The following KCNAB1 variants were observed in gnomAD, a reference collection of about 807,000 sequenced individuals.
The protein encoded by KCNAB1 is voltage-gated potassium channel subunit beta-1.
Under a neutral mutation model 64.6 loss-of-function variants are expected in KCNAB1, and 35 were observed. The ratio of observed to expected loss-of-function variants is 0.54; its 90% CI spans 0.41 to 0.72. The LOEUF is 0.72. Ranked by LOEUF, KCNAB1 falls within the 30% of genes least tolerant of loss-of-function variation. The pLI, the probability that KCNAB1 is intolerant of heterozygous loss-of-function variation, is 0.00. For synonymous variants in KCNAB1, 177 were observed against 183.8 expected (o/e 0.96, Z 0.30); for missense variants, 401 against 512.9 (o/e 0.78, Z 2.11).
intron 1 of KCNAB1, among the ~76,000 whole-genome samples, chr3:156,161,941 C>A (rs1716105016): frequency 6.6e-6 from 1 of 152,086 alleles, no homozygotes; most frequent in Admixed American, 6.5e-5. Flanking sequence ...AATTTTTATC[C>A]ATAATAGCAT....
intron 1 of KCNAB1, among the ~76,000 whole-genome samples, chr3:156,248,703 C>T (rs770561149): frequency 1.3e-5 from 2 of 152,266 alleles, no homozygotes; most frequent in South Asian, 4.2e-4. Flanking sequence ...GTTGACTTTA[C>T]GGTTTTAGAA....
chr3:156,448,930 G>A (rs185695455), intron 2 of KCNAB1, among the ~76,000 whole-genome samples: 301 of 152,160 alleles, frequency 2.0e-3, no homozygotes, highest in Middle Eastern at 3.4e-3. Context: ...ATGCAAAGAC[G>A]AATGAAATAA....
intron 1 of KCNAB1, among the ~76,000 whole-genome samples, chr3:156,379,363 T>C (rs1324406866): frequency 6.6e-6 from 1 of 152,132 alleles, no homozygotes; most frequent in Non-Finnish European, 1.5e-5. Context: ...TCATGTACTA[T>C]GTTAGGTGGT....
intron 1 of KCNAB1, among the ~76,000 whole-genome samples, chr3:156,382,571 G>T (rs1443425968): frequency 2.0e-5 from 3 of 152,122 alleles, no homozygotes; most frequent in East Asian, 1.9e-4. Context: ...TTGTGATACT[G>T]GTTGGTGCCA....
At chr3:156,482,098 T>G (rs775818802) in intron 8 of KCNAB1, among the ~76,000 whole-genome samples, 5 of 152,048 alleles carry the variant, frequency 3.3e-5, no homozygotes, top group Non-Finnish European at 7.4e-5. Context: ...AGCCATGGAG[T>G]TGGCAGTGTA....
At chr3:156,132,674 T>C (rs1714073372) in intron 1 of KCNAB1, among the ~76,000 whole-genome samples, 2 of 152,222 alleles carry the variant, frequency 1.3e-5, no homozygotes, top group Admixed American at 1.3e-4. Flanking sequence ...ATTCAGTCTG[T>C]TATTTCAGAA....
At chr3:156,191,469 G>A (rs1383071298) in intron 1 of KCNAB1, among the ~76,000 whole-genome samples, 1 of 152,140 alleles carries the variant, frequency 6.6e-6, no homozygotes, top group Non-Finnish European at 1.5e-5. Context: ...TTCATCTTTT[G>A]TTCTTCAAAC....
At chr3:156,519,679 T>C (rs368787938) in intron 11 of KCNAB1, among the ~76,000 whole-genome samples, 7 of 152,358 alleles carry the variant, frequency 4.6e-5, no homozygotes, top group African/African-American at 1.7e-4. Context: ...ACTGCATCCA[T>C]GGACTTGTAC....
intron 1 of KCNAB1, among the ~76,000 whole-genome samples, chr3:156,198,307 C>T (rs1281477047): frequency 6.6e-6 from 1 of 152,088 alleles, no homozygotes; most frequent in Non-Finnish European, 1.5e-5. Flanking sequence ...ATTAGGTCTG[C>T]TTGGTTCAGA....
At chr3:156,414,045 A>G (rs1221126021) in intron 1 of KCNAB1, among the ~76,000 whole-genome samples, 1 of 152,222 alleles carries the variant, frequency 6.6e-6, no homozygotes, top group Non-Finnish European at 1.5e-5. Context: ...TGTATGTTTA[A>G]ATATCACCCT....
At chr3:156,538,986 C>CGAATCTGT (rs571917572), downstream of KCNAB1, 196 of 151,974 alleles carry the variant, frequency 1.3e-3, no homozygotes, top group African/African-American at 4.6e-3. Flanking sequence ...TTTTTATATG[C>CGAATCTGT]GAATCTGTCA....
intron 1 of KCNAB1, among the ~76,000 whole-genome samples, chr3:156,174,902 A>C (rs143651148): frequency 6.6e-6 from 1 of 152,162 alleles, no homozygotes; most frequent in East Asian, 1.9e-4. Context: ...ACTTTACCAG[A>C]TGCTAGTTGT....
chr3:156,341,654 T>G (rs1394878299), intron 1 of KCNAB1, among the ~76,000 whole-genome samples: 1 of 152,174 alleles, frequency 6.6e-6, no homozygotes. Flanking sequence ...AAATTTTTAT[T>G]CTGCTACATA....
intron 1 of KCNAB1, among the ~76,000 whole-genome samples, chr3:156,366,051 G>A (rs958118119): frequency 1.3e-5 from 2 of 151,944 alleles, no homozygotes; most frequent in Admixed American, 1.3e-4. Context: ...ATGAAAGAAA[G>A]TAGAAGTTTT....
chr3:156,220,240 G>A (rs1715625102), intron 1 of KCNAB1, among the ~76,000 whole-genome samples: 1 of 152,116 alleles, frequency 6.6e-6, no homozygotes, highest in South Asian at 2.1e-4. Context: ...CACAGTAATG[G>A]GATCACTGGG....
intron 2 of KCNAB1, among the ~76,000 whole-genome samples, chr3:156,437,071 T>G (rs1449066040): frequency 6.6e-6 from 1 of 152,146 alleles, no homozygotes; most frequent in Non-Finnish European, 1.5e-5. Context: ...TCTTGCATAT[T>G]TTTTTTAAAA....
At chr3:156,364,132 T>G (rs1279893346) in intron 1 of KCNAB1, among the ~76,000 whole-genome samples, 2 of 152,198 alleles carry the variant, frequency 1.3e-5, no homozygotes, top group African/African-American at 4.8e-5. Flanking sequence ...AAGGAGGGCA[T>G]GGGATTATCA....
intron 7 of KCNAB1, among the ~76,000 whole-genome samples, chr3:156,470,607 T>G (rs565346734): frequency 6.6e-6 from 1 of 152,188 alleles, no homozygotes; most frequent in African/African-American, 2.4e-5. Flanking sequence ...CGCTTGTATA[T>G]TCCAACAGCC....
intron 1 of KCNAB1, among the ~76,000 whole-genome samples, chr3:156,284,190 G>T (rs1344531854): frequency 6.6e-6 from 1 of 152,138 alleles, no homozygotes; most frequent in East Asian, 1.9e-4. Context: ...CTAACAGACA[G>T]GACCCTCAGC....
Sources: gnomAD v4.1 joint callset for allele counts (sites outside exome capture counted in the v4.1 genomes callset) on GRCh38, gnomAD v4.1.1 for gene constraint, MANE v1.5 for transcripts, NCBI Gene and HGNC (gene_info 2026-07-23, HGNC 2026-07-21) for gene names.